ATRNL1: variants seen among roughly 807,000 people sequenced by gnomAD.
The protein encoded by ATRNL1 is attractin like 1.
Under a neutral mutation model 182.7 loss-of-function variants are expected in ATRNL1, and 95 were observed. The ratio of observed to expected loss-of-function variants is 0.52; its 90% confidence interval spans 0.44 to 0.62. The LOEUF (loss-of-function observed/expected upper bound fraction) is 0.62. Among genes scored for constraint, ATRNL1 ranks in the 20% least tolerant of loss-of-function variants. ATRNL1 has a pLI of 0.00. For synonymous variants in ATRNL1, 576 were observed against 568.3 expected, an observed-to-expected ratio of 1.01 and a Z score of -0.19; for missense variants, 1,471 against 1,679.5, an observed-to-expected ratio of 0.88 and a Z score of 2.17.
chr10:115,855,527 G>T (rs1008495440), intron 28 of ATRNL1, among the ~76,000 whole-genome samples: 1 of 152,058 alleles, frequency 6.6e-6, no homozygotes, highest in Admixed American at 6.5e-5. Flanking sequence ...ACAAGTTTCT[G>T]GTACTTAATA....
chr10:115,932,784 T>C (rs1345463457), intron 28 of ATRNL1, among the ~76,000 whole-genome samples: 1 of 152,206 alleles, frequency 6.6e-6, no homozygotes, highest in Non-Finnish European at 1.5e-5. Context: ...CAAAAATTCA[T>C]TTTTTTCTAG....
At chr10:115,851,814 G>T (rs1200950284) in intron 28 of ATRNL1, among the ~76,000 whole-genome samples, 2 of 152,094 alleles carry the variant, frequency 1.3e-5, no homozygotes, top group African/African-American at 2.4e-5. Flanking sequence ...TTATGCATAT[G>T]TTCACTGTGC....
intron 28 of ATRNL1, among the ~76,000 whole-genome samples, chr10:115,917,287 A>C (rs1223209772): frequency 6.6e-6 from 1 of 152,032 alleles, no homozygotes; most frequent in Non-Finnish European, 1.5e-5. Context: ...TAACACAGTG[A>C]AACCCCGTCT....
At chr10:115,856,692 A>T (rs782010869) in intron 28 of ATRNL1, among the ~76,000 whole-genome samples, 1 of 152,062 alleles carries the variant, frequency 6.6e-6, no homozygotes, top group Non-Finnish European at 1.5e-5. Flanking sequence ...GATCCCTCAC[A>T]TGCGCAGTTC....
intron 26 of ATRNL1, among the ~76,000 whole-genome samples, chr10:115,674,308 T>C (rs954445868): frequency 6.6e-6 from 1 of 151,996 alleles, no homozygotes; most frequent in Non-Finnish European, 1.5e-5. Flanking sequence ...ATGTCGGAGC[T>C]TTAGATAGCC....
intron 9 of ATRNL1, among the ~76,000 whole-genome samples, chr10:115,241,177 T>A (rs1554902763): frequency 1.3e-5 from 2 of 151,938 alleles, no homozygotes; most frequent in Admixed American, 1.3e-4. Context: ...AGTTACACAG[T>A]TTTAACCAAA....
intron 28 of ATRNL1, among the ~76,000 whole-genome samples, chr10:115,924,151 C>T (rs951994521): frequency 1.3e-5 from 2 of 152,162 alleles, no homozygotes; most frequent in Admixed American, 6.5e-5. Flanking sequence ...GATATTAGAC[C>T]TTTGTCAGAT....
rs1004293996 is a variant in ATRNL1 at position 115,683,494 on chromosome 10, T to C, written c.3796-43754T>C. Among the ~76,000 whole-genome samples, 7 of 151,346 alleles carry C rather than the reference T, an allele frequency of 4.6e-5. No homozygotes were observed. The Admixed American group carries it at 4.6e-4, about 10-fold the overall frequency. On this transcript the variant is annotated intron_variant, in intron 26 of 28. Transcript: ENST00000355044. The stretch of plus-strand genomic sequence containing the variant: ...AGATAATGAAAATGAATATGCTTTC[T>C]GTGTTGATAGAAACCCTACAAGCAA...
intron 28 of ATRNL1, among the ~76,000 whole-genome samples, chr10:115,893,054 C>T (rs886560585): frequency 2.6e-4 from 40 of 152,110 alleles, no homozygotes; most frequent in Non-Finnish European, 8.8e-5. Flanking sequence ...TCATTGTGTG[C>T]CAATGCCTCA....
At chr10:115,429,843 G>A (rs1554963607) in intron 21 of ATRNL1, among the ~76,000 whole-genome samples, 1 of 152,046 alleles carries the variant, frequency 6.6e-6, no homozygotes, top group African/African-American at 2.4e-5. Context: ...CACAAAGGGC[G>A]AATCACGAGG....
intron 5 of ATRNL1, among the ~76,000 whole-genome samples, chr10:115,144,699 G>A (rs2143845010): frequency 6.6e-6 from 1 of 152,220 alleles, no homozygotes; most frequent in South Asian, 2.1e-4. Context: ...TAACTATCTG[G>A]TTATAAATTT....
chr10:115,515,145 C>G (rs1233777601), intron 24 of ATRNL1, among the ~76,000 whole-genome samples: 1 of 151,768 alleles, frequency 6.6e-6, no homozygotes, highest in South Asian at 2.1e-4. Context: ...TGGCCTAGTT[C>G]CAGTTAATAC....
intron 3 of ATRNL1, 131 bp downstream of exon 3, chr10:115,121,943 C>T (rs1844756329): frequency 2.2e-6 from 1 of 451,002 alleles, no homozygotes; most frequent in Non-Finnish European, 3.9e-6. Flanking sequence ...GATTATAATA[C>T]TTTGTTATGT....
rs1554874396 is a variant in ATRNL1, at chr10:115,129,316, A to T, written c.621-11A>T. The T allele has an allele frequency of 1.9e-6, 3 of 1,601,272 alleles. No homozygotes were observed. The South Asian group carries it at 3.3e-5, about 18-fold the overall frequency. On this transcript the variant is annotated splice_polypyrimidine_tract_variant and intron_variant, in intron 4 of 28. Transcript: ENST00000355044. Reference sequence around the variant, plus strand: ...CCTTGAATCTGAATATATATGAATTATATTTTACAGAATCAATTCTTGTCC... The same window carrying T: ...CCTTGAATCTGAATATATATGAATTTTATTTTACAGAATCAATTCTTGTCC...
intron 27 of ATRNL1, among the ~76,000 whole-genome samples, chr10:115,736,154 A>G (rs1947943615): frequency 6.6e-6 from 1 of 152,150 alleles, no homozygotes; most frequent in Admixed American, 6.5e-5. Context: ...CTCTGATTAG[A>G]TGCGTGTTAA....
intron 13 of ATRNL1, 51 bp downstream of exon 13, chr10:115,268,495 A>C (rs1851702059): frequency 1.6e-6 from 2 of 1,248,034 alleles, no homozygotes; most frequent in Non-Finnish European, 2.4e-6. Flanking sequence ...CTGCTGCTTT[A>C]TGATCATTAG....
At chr10:115,634,341 A>G (rs918590055) in intron 26 of ATRNL1, among the ~76,000 whole-genome samples, 1 of 152,172 alleles carries the variant, frequency 6.6e-6, no homozygotes, top group Non-Finnish European at 1.5e-5. Flanking sequence ...TCAATCAGCC[A>G]TATTAAGAAC....
At chr10:115,542,960 T>C (rs548497514) in intron 25 of ATRNL1, among the ~76,000 whole-genome samples, 43 of 152,288 alleles carry the variant, frequency 2.8e-4, no homozygotes, top group African/African-American at 1.0e-3. Flanking sequence ...CAGAATCCCA[T>C]GTTTATAAAC....
chr10:115,654,322 C>T (rs1304210536), intron 26 of ATRNL1, among the ~76,000 whole-genome samples: 2 of 151,680 alleles, frequency 1.3e-5, no homozygotes, highest in African/African-American at 4.8e-5. Flanking sequence ...CGGGTTCAAG[C>T]GATTCTCCTG....
Sources: gnomAD v4.1 joint callset for allele counts (sites outside exome capture counted in the v4.1 genomes callset) on GRCh38, gnomAD v4.1.1 for gene constraint, MANE v1.5 for transcripts, NCBI Gene and HGNC (gene_info 2026-07-23, HGNC 2026-07-21) for gene names.